TAFA2: variants seen among roughly 807,000 people sequenced by gnomAD.
TAFA2 encodes the protein chemokine-like protein TAFA-2.
Under a neutral mutation model 18.8 loss-of-function variants are expected in TAFA2, and 7 were observed. The ratio of observed to expected loss-of-function variants is 0.37; its 90% CI spans 0.21 to 0.70. The LOEUF is 0.70. Among genes scored for constraint, TAFA2 ranks in the 30% least tolerant of loss-of-function variants. The probability of loss-of-function intolerance (pLI) is 0.53; values close to 1 mark genes in which losing one functional copy is unlikely to be tolerated. For missense variants in TAFA2, 122 were observed against 158.1 expected (o/e 0.77, Z 1.23); for synonymous variants, 60 against 54.2 (o/e 1.11, Z -0.47).
intron 1 of TAFA2, chr12:62,145,763 T>C (rs965634218): frequency 6.6e-6 from 1 of 152,250 alleles, no homozygotes; most frequent in Non-Finnish European, 1.5e-5. Flanking sequence ...TGGTGAGGCA[T>C]GCACATGAAT....
intron 2 of TAFA2, among the ~76,000 whole-genome samples, chr12:61,816,919 G>A (rs984603714): frequency 6.6e-6 from 1 of 151,218 alleles, no homozygotes; most frequent in African/African-American, 2.5e-5. Flanking sequence ...CACTAAGACA[G>A]CCAGATTATT....
chr12:61,727,832 T>C (rs950446769), intron 4 of TAFA2, among the ~76,000 whole-genome samples: 26 of 152,154 alleles, frequency 1.7e-4, no homozygotes, highest in African/African-American at 6.0e-4. Context: ...TTCAGACTTT[T>C]TAATGTAGGC....
intron 1 of TAFA2, among the ~76,000 whole-genome samples, chr12:61,885,626 C>T (rs962994823): frequency 1.3e-5 from 2 of 152,154 alleles, no homozygotes; most frequent in African/African-American, 4.8e-5. Context: ...TGGACTAACT[C>T]TTTCTGTGTG....
intron 1 of TAFA2, among the ~76,000 whole-genome samples, chr12:62,206,354 C>A (rs1461020736): frequency 1.3e-5 from 2 of 152,222 alleles, no homozygotes; most frequent in African/African-American, 4.8e-5. Context: ...ATCTCTCCAA[C>A]AGCATTCACC....
chr12:61,898,500 C>G (rs1875953543), intron 1 of TAFA2, among the ~76,000 whole-genome samples: 2 of 152,222 alleles, frequency 1.3e-5, no homozygotes, highest in Admixed American at 6.5e-5. Flanking sequence ...AAACTCAATT[C>G]TTGACTTCTG....
At chr12:61,879,680 G>A in intron 1 of TAFA2, 1 of 1,059,862 alleles carries the variant, frequency 9.4e-7, no homozygotes, top group Non-Finnish European at 1.5e-6. Flanking sequence ...CAGGATGCTG[G>A]AGGCCAAGTG....
At chr12:61,856,648 GT>G (rs1873897132) in intron 2 of TAFA2, among the ~76,000 whole-genome samples, 1 of 151,794 alleles carries the variant, frequency 6.6e-6, no homozygotes, top group African/African-American at 2.4e-5. Flanking sequence ...ATTTTTGTTA[GT>G]GCTATTTTAT....
intron 2 of TAFA2, among the ~76,000 whole-genome samples, chr12:61,774,582 A>G (rs1870174425): frequency 6.6e-6 from 1 of 151,882 alleles, no homozygotes. Context: ...AAAACCAAAT[A>G]TTGTATGTTC....
At chr12:62,050,045 C>T (rs1218713541) in intron 1 of TAFA2, among the ~76,000 whole-genome samples, 2 of 152,140 alleles carry the variant, frequency 1.3e-5, no homozygotes, top group Non-Finnish European at 2.9e-5. Flanking sequence ...AGAGCAATTG[C>T]CCTGTGCTGG....
At chr12:61,859,091 A>G (rs1025994771) in intron 2 of TAFA2, among the ~76,000 whole-genome samples, 2 of 152,234 alleles carry the variant, frequency 1.3e-5, no homozygotes, top group Non-Finnish European at 2.9e-5. Context: ...TGGGTAATTT[A>G]TAAAGGAAAG....
intron 1 of TAFA2, among the ~76,000 whole-genome samples, chr12:62,156,248 C>T (rs1282253581): frequency 6.6e-6 from 1 of 152,118 alleles, no homozygotes; most frequent in African/African-American, 2.4e-5. Flanking sequence ...CAATGCGATA[C>T]CACCTTACTC....
chr12:61,894,363 C>A (rs1330958638), intron 1 of TAFA2, among the ~76,000 whole-genome samples: 1 of 152,166 alleles, frequency 6.6e-6, no homozygotes, highest in East Asian at 1.9e-4. Flanking sequence ...GCTGTGGGAA[C>A]CAACCTTTGG....
At chr12:61,711,508 G>A (rs1869406976) in intron 4 of TAFA2, among the ~76,000 whole-genome samples, 1 of 152,052 alleles carries the variant, frequency 6.6e-6, no homozygotes, top group Non-Finnish European at 1.5e-5. Flanking sequence ...ATTCTATTAA[G>A]TGACATTGTT....
At chr12:61,809,215 T>A (rs1266959756) in intron 2 of TAFA2, among the ~76,000 whole-genome samples, 1 of 151,548 alleles carries the variant, frequency 6.6e-6, no homozygotes, top group African/African-American at 2.5e-5. Context: ...ACAGCCTTAA[T>A]ACTCACTGAT....
At chr12:61,836,132 C>T (rs143431673) in intron 2 of TAFA2, among the ~76,000 whole-genome samples, 134 of 151,734 alleles carry the variant, frequency 8.8e-4, no homozygotes, top group Non-Finnish European at 1.3e-3. Flanking sequence ...GTGTAGTTAC[C>T]GAGAAAAAGT....
chr12:61,886,174 C>T (rs538826560), intron 1 of TAFA2, among the ~76,000 whole-genome samples: 4 of 152,264 alleles, frequency 2.6e-5, no homozygotes, highest in African/African-American at 9.6e-5. Flanking sequence ...TCCCTCTTGT[C>T]ATTAGGTTCA....
At chr12:61,898,067 T>C (rs181569182) in intron 1 of TAFA2, among the ~76,000 whole-genome samples, 1 of 152,188 alleles carries the variant, frequency 6.6e-6, no homozygotes, top group African/African-American at 2.4e-5. Flanking sequence ...AGTCATCACA[T>C]CTTAAAGCTC....
rs929476933 is a variant in TAFA2 at position 62,192,076 on chromosome 12, G to T, written c.-819C>A. 2 of 152,586 alleles carry T rather than the reference G, an allele frequency of 1.3e-5. No individual in the cohort carries two copies. The highest frequency in any genetic ancestry group is 2.9e-5 in the Non-Finnish European group (2 of 68,466). 9.5% of individuals were successfully genotyped at this position (152,586 alleles called of 1,614,324 possible). A position where few individuals can be genotyped will look rare whatever the true frequency, so the allele number is the denominator to read the frequency against. Reference sequence around the variant, plus strand: ...CAGACGCCCGCGTTCCTCCGTCCAGGTGCCCCTGTTCCCACTGCTCGCAGA... The same window carrying T: ...CAGACGCCCGCGTTCCTCCGTCCAGTTGCCCCTGTTCCCACTGCTCGCAGA... On this transcript the variant is annotated 5_prime_UTR_variant, in exon 1 of 5. Transcript: ENST00000416284.
chr12:61,826,895 C>T (rs889766843), intron 2 of TAFA2, among the ~76,000 whole-genome samples: 5 of 151,836 alleles, frequency 3.3e-5, no homozygotes, highest in East Asian at 1.9e-4. Flanking sequence ...TTTCTAGAGG[C>T]AATATTTCAT....
Sources: allele counts gnomAD v4.1 joint callset (sites outside exome capture counted in the v4.1 genomes callset), GRCh38; gene constraint gnomAD v4.1.1; transcripts MANE v1.5; gene names NCBI Gene and HGNC (gene_info 2026-07-23, HGNC 2026-07-21).